ERBB4: variants seen among roughly 807,000 people sequenced by gnomAD.
ERBB4 encodes receptor tyrosine-protein kinase erbB-4.
ERBB4 carries 42 observed loss-of-function variants against 158.0 expected under a neutral mutation model. The ratio of observed to expected loss-of-function variants is 0.27; its 90% CI spans 0.21 to 0.34. The LOEUF is 0.34. Among genes scored for constraint, ERBB4 ranks in the 10% least tolerant of loss-of-function variants. The probability of loss-of-function intolerance (pLI) is 1.00; values close to 1 mark genes in which losing one functional copy is unlikely to be tolerated. For missense variants in ERBB4, 1,333 were observed against 1,624.1 expected (o/e 0.82, Z 3.08); for synonymous variants, 583 against 558.7 (o/e 1.04, Z -0.61).
intron 2 of ERBB4, among the ~76,000 whole-genome samples, chr2:212,097,367 T>C (rs2078961522): frequency 6.6e-6 from 1 of 152,088 alleles, no homozygotes; most frequent in Non-Finnish European, 1.5e-5. Context: ...GGGTAACAGA[T>C]GAAAACCATT....
chr2:212,489,917 G>A (rs1266482321), intron 1 of ERBB4, among the ~76,000 whole-genome samples: 1 of 151,592 alleles, frequency 6.6e-6, no homozygotes, highest in Non-Finnish European at 1.5e-5. Context: ...AAACCTCCTG[G>A]TCTAAAATCT....
At chr2:212,194,657 TGG>T (rs1395361279) in intron 1 of ERBB4, among the ~76,000 whole-genome samples, 1 of 152,064 alleles carries the variant, frequency 6.6e-6, no homozygotes, top group Non-Finnish European at 1.5e-5. Context: ...TAAATGTGGC[TGG>T]GAAATTAAAA....
chr2:211,580,875 A>T (rs1443444956), intron 19 of ERBB4, among the ~76,000 whole-genome samples: 161 of 1,206 alleles, frequency 0.13, 15 homozygotes, highest in African/African-American at 0.23. Context: ...ACATATATAT[A>T]TATATATATA....
Position 211,424,189 on chromosome 2 carries a change from G to C in ERBB4, c.2832C>G (p.Ile944Met), listed in dbSNP as rs1265800457. Residue 944 changes from isoleucine to methionine, a missense_variant, in exon 23 of 28, where the codon ATC becomes ATG. By Grantham distance (10) the Ile-to-Met change is conservative. Coordinates refer to ENST00000342788, the MANE Select transcript of ERBB4 (RefSeq NM_005235.3). ...TGACCATGTAAACGTCAATAGTGCA[G>C]ATGGGAGGCTGAGGCAAACGTTCTC... is the stretch of plus-strand genomic sequence containing the variant. ...EKGERLPQPP[I>M]CTIDVYMVMV... The C allele has an allele frequency of 6.2e-7, 1 of 1,613,310 alleles. No individual in the cohort carries two copies. Among genetic ancestry groups the C allele is most frequent in the South Asian group, 1.1e-5 (1 of 91,080 alleles).
rs1415106440 is a variant in ERBB4 at position 211,623,025 on chromosome 2, AT to A, written c.2202+896del. Among the ~76,000 whole-genome samples the A allele has an allele frequency of 1.4e-4, 14 of 102,634 alleles. No individual in the cohort carries two copies. The South Asian group carries it at 1.6e-3, about 12-fold the overall frequency. The allele number at this position is 102,634 out of a possible 152,430, so 67.3% of individuals were successfully genotyped here. On this transcript the variant is annotated intron_variant, in intron 18 of 27. Coordinates refer to ENST00000342788, the MANE Select transcript of ERBB4 (RefSeq NM_005235.3). ...TATATATATATATATATATATATAT[AT>A]ATATATATATATATATATAAAATGC...
At position 211,847,593 on chromosome 2, in the gene ERBB4, G is replaced by A. The variant is rs2077620983; in HGVS notation, c.422-59434C>T. On this transcript the variant is annotated intron_variant, in intron 3 of 27. Coordinates refer to ENST00000342788, the MANE Select transcript of ERBB4 (RefSeq NM_005235.3). ...TGTGGCCCAGAACAGCTTTGAATGT[G>A]GCCCAAAACAAATTTGTAAACTTTC... Among the ~76,000 whole-genome samples, 2 of 151,942 alleles carry A rather than the reference G, an allele frequency of 1.3e-5. 1 individual carries two copies. The highest frequency in any genetic ancestry group is 2.9e-5 in the Non-Finnish European group (2 of 67,968).
At chr2:211,660,652 GA>G (rs1170206633) in intron 15 of ERBB4, among the ~76,000 whole-genome samples, 1 of 152,164 alleles carries the variant, frequency 6.6e-6, no homozygotes, top group African/African-American at 2.4e-5. Context: ...AACGGGGAAA[GA>G]AGGCATGAGT....
rs907029744 is a variant in ERBB4, at chr2:212,494,904, T to A, written c.82+43545A>T. ...AATGCCCAGCTATTGCTTAATTAAC[T>A]TTACAATAGAGTTAATGCAGATATG... On this transcript the variant is annotated intron_variant, in intron 1 of 27. Coordinates refer to ENST00000342788, the MANE Select transcript of ERBB4 (RefSeq NM_005235.3). 2.6e-5 allele frequency among the ~76,000 whole-genome samples: 4 copies of A among 152,276 alleles called. No individual in the cohort carries two copies. In the South Asian group the frequency reaches 6.2e-4, roughly 24 times the overall value.
chr2:211,409,370 G>A (rs2063210040), intron 25 of ERBB4, among the ~76,000 whole-genome samples: 1 of 152,176 alleles, frequency 6.6e-6, no homozygotes, highest in Non-Finnish European at 1.5e-5. Flanking sequence ...GCTCCAAGCA[G>A]AGCCTAATAC....
Position 211,599,513 on chromosome 2 carries a change from C to CTGTGTG in ERBB4, c.2301+19658_2301+19663dup, listed in dbSNP as rs6147153. Reference sequence around the variant, plus strand: ...ACAGGCTCACAGAAAATAATTTCTTCTGTGTGTGTGTGTGTGTGTGTGTTT... The same window carrying CTGTGTG: ...ACAGGCTCACAGAAAATAATTTCTTCTGTGTGTGTGTGTGTGTGTGTGTGTGTGTTT... On this transcript the variant is annotated intron_variant, in intron 19 of 27. Transcript: ENST00000342788. Among the ~76,000 whole-genome samples, 38 of 140,904 alleles carry CTGTGTG rather than the reference C, an allele frequency of 2.7e-4. 1 individual carries two copies. The highest frequency in any genetic ancestry group is 8.6e-4 in the East Asian group (4 of 4,664). 92.4% of individuals were successfully genotyped at this position (140,904 alleles called of 152,430 possible).
At chr2:212,340,183 G>C (rs955375910) in intron 1 of ERBB4, among the ~76,000 whole-genome samples, 3 of 151,816 alleles carry the variant, frequency 2.0e-5, no homozygotes, top group African/African-American at 7.3e-5. Flanking sequence ...TTATAGTTGA[G>C]AGCCACCACA....
chr2:211,705,495 T>C (rs1209941079), intron 9 of ERBB4, 104 bp from the exon 10 acceptor site: 1 of 800,592 alleles, frequency 1.2e-6, no homozygotes, highest in Non-Finnish European at 2.2e-6. Flanking sequence ...TAATTAGCAG[T>C]AGGGGTGTTA....
intron 1 of ERBB4, among the ~76,000 whole-genome samples, chr2:212,515,762 A>T (rs1212310961): frequency 6.6e-6 from 1 of 152,024 alleles, no homozygotes; most frequent in African/African-American, 2.4e-5. Flanking sequence ...AAATTTACGC[A>T]AACTTTCTTC....
At position 212,361,565 on chromosome 2, in the gene ERBB4, C is replaced by T. The variant is rs975102242; in HGVS notation, c.82+176884G>A. Among the ~76,000 whole-genome samples, 37 of 151,304 alleles carry T rather than the reference C, an allele frequency of 2.4e-4. 1 individual carries two copies. Among genetic ancestry groups the T allele is most frequent in the Non-Finnish European group, 1.5e-5 (1 of 67,756 alleles). Reference sequence around the variant, plus strand: ...ACTCTTACTACTCAGACATATGTGCCAGACTTTCTATAGTAGAAGACAAAA... The same window carrying T: ...ACTCTTACTACTCAGACATATGTGCTAGACTTTCTATAGTAGAAGACAAAA... On this transcript the variant is annotated intron_variant, in intron 1 of 27. Coordinates refer to ENST00000342788, the MANE Select transcript of ERBB4 (RefSeq NM_005235.3).
intron 1 of ERBB4, among the ~76,000 whole-genome samples, chr2:212,208,832 T>C (rs957468249): frequency 6.6e-6 from 1 of 152,200 alleles, no homozygotes; most frequent in African/African-American, 2.4e-5. Context: ...TTCCATACTT[T>C]CAACTAAATG....
At chr2:211,949,082 T>C (rs1224494429) in intron 2 of ERBB4, among the ~76,000 whole-genome samples, 2 of 152,150 alleles carry the variant, frequency 1.3e-5, no homozygotes, top group African/African-American at 2.4e-5. Context: ...GTGTGATCCA[T>C]ACTATTTGTT....
intron 3 of ERBB4, among the ~76,000 whole-genome samples, chr2:211,930,792 T>A (rs1314322290): frequency 6.6e-6 from 1 of 152,176 alleles, no homozygotes; most frequent in African/African-American, 2.4e-5. Flanking sequence ...TGCAAGTTCA[T>A]CAAGTAGGAG....
chr2:212,535,398 T>A (rs1692995178), intron 1 of ERBB4, among the ~76,000 whole-genome samples: 1 of 152,170 alleles, frequency 6.6e-6, no homozygotes, highest in Non-Finnish European at 1.5e-5. Context: ...TCTTCTCAAA[T>A]GAAAAATAAC....
intron 3 of ERBB4, among the ~76,000 whole-genome samples, chr2:211,850,121 C>A (rs2077683519): frequency 6.6e-6 from 1 of 151,816 alleles, no homozygotes; most frequent in Admixed American, 6.6e-5. Context: ...TGAAAGTTAC[C>A]AGTTCTTAAT....
Sources: allele counts gnomAD v4.1 joint callset (sites outside exome capture counted in the v4.1 genomes callset), GRCh38; gene constraint gnomAD v4.1.1; transcripts MANE v1.5; gene names NCBI Gene and HGNC (gene_info 2026-07-23, HGNC 2026-07-21).